GALNTL6: variants seen among roughly 807,000 people sequenced by gnomAD.
The protein encoded by GALNTL6 is polypeptide N-acetylgalactosaminyltransferase like 6, also known as polypeptide N-acetylgalactosaminyltransferase-like 6.
A neutral mutation model predicts 73.7 loss-of-function variants in GALNTL6; 46 were observed. That is an observed-to-expected ratio of 0.62 (90% confidence interval 0.49 to 0.80). The LOEUF (loss-of-function observed/expected upper bound fraction) is 0.80. Ranked by LOEUF, GALNTL6 falls within the 30% of genes least tolerant of loss-of-function variation. The pLI, the probability that GALNTL6 is intolerant of heterozygous loss-of-function variation, is 0.00. For synonymous variants in GALNTL6, 259 were observed against 263.7 expected (o/e 0.98, Z 0.17); for missense variants, 604 against 755.0 (o/e 0.80, Z 2.34).
chr4:172,138,477 C>CTACATATATA lies in GALNTL6; in HGVS notation c.139-91177_139-91176insCATATATATA, dbSNP rs1429796548. Among the ~76,000 whole-genome samples, 22 of 8,696 alleles carry CTACATATATA rather than the reference C, an allele frequency of 2.5e-3. 1 individual carries two copies. Among genetic ancestry groups the CTACATATATA allele is most frequent in the African/African-American group, 8.1e-3 (21 of 2,586 alleles). The allele number at this position is 8,696 out of a possible 152,430, so 5.7% of individuals were successfully genotyped here. ...AATTATATTAATTTACTTGGACTGC[C>CTACATATATA]TATATATATATATATATATATATAT... On this transcript the variant is annotated intron_variant, in intron 2 of 12. Transcript: ENST00000506823.
At chr4:171,933,358 C>T (rs1344899746) in intron 2 of GALNTL6, among the ~76,000 whole-genome samples, 2 of 151,946 alleles carry the variant, frequency 1.3e-5, no homozygotes, top group Non-Finnish European at 2.9e-5. Context: ...TAGTTTAAGC[C>T]ATAAAATAAA....
chr4:172,270,610 C>T (rs914497430), intron 3 of GALNTL6, among the ~76,000 whole-genome samples: 33 of 152,276 alleles, frequency 2.2e-4, no homozygotes, highest in African/African-American at 7.7e-4. Context: ...CTTTCGTAGA[C>T]TCAGAGCTGT....
intron 3 of GALNTL6, among the ~76,000 whole-genome samples, chr4:172,242,448 T>C (rs956440634): frequency 1.6e-4 from 25 of 152,162 alleles, no homozygotes; most frequent in African/African-American, 5.1e-4. Flanking sequence ...TAACTCAAAA[T>C]ATTGTCACTG....
chr4:172,621,254 T>C (rs543587779), intron 5 of GALNTL6, among the ~76,000 whole-genome samples: 2 of 152,286 alleles, frequency 1.3e-5, no homozygotes, highest in East Asian at 3.9e-4. Context: ...GGGATCTTGC[T>C]ATGTTGCCCA....
chr4:172,548,308 C>G (rs1190858848), intron 5 of GALNTL6, among the ~76,000 whole-genome samples: 2 of 152,142 alleles, frequency 1.3e-5, no homozygotes, highest in Non-Finnish European at 2.9e-5. Context: ...CTTCACCACT[C>G]CAGGTGATAT....
intron 2 of GALNTL6, among the ~76,000 whole-genome samples, chr4:171,841,089 T>C (rs1029875642): frequency 3.3e-5 from 5 of 152,210 alleles, no homozygotes; most frequent in African/African-American, 1.2e-4. Flanking sequence ...TTTAGAAGAT[T>C]CTTTCCCTGC....
chr4:172,014,136 A>G (rs1741112149), intron 2 of GALNTL6, among the ~76,000 whole-genome samples: 2 of 152,060 alleles, frequency 1.3e-5, no homozygotes, highest in South Asian at 4.1e-4. Flanking sequence ...GGATACTCAG[A>G]TTGCTTCCAA....
intron 2 of GALNTL6, among the ~76,000 whole-genome samples, chr4:171,833,469 C>G (rs1352788734): frequency 6.6e-6 from 1 of 151,576 alleles, no homozygotes; most frequent in Admixed American, 6.6e-5. Context: ...ACCAAAATAC[C>G]TGGCTAAAAT....
At chr4:172,982,924 TA>T (rs1446349008) in intron 10 of GALNTL6, among the ~76,000 whole-genome samples, 1 of 152,218 alleles carries the variant, frequency 6.6e-6, no homozygotes, top group East Asian at 1.9e-4. Flanking sequence ...AAGTAGGTGC[TA>T]AAAAATGTAT....
intron 5 of GALNTL6, among the ~76,000 whole-genome samples, chr4:172,436,013 CTT>C (rs34511518): frequency 0.86 from 130,842 of 151,862 alleles, 56,443 homozygotes; most frequent in South Asian, 0.89. Flanking sequence ...GCATCACACT[CTT>C]TAACAGGGCA....
At chr4:171,965,171 T>G (rs1055357727) in intron 2 of GALNTL6, among the ~76,000 whole-genome samples, 10 of 152,216 alleles carry the variant, frequency 6.6e-5, no homozygotes, top group African/African-American at 2.4e-4. Flanking sequence ...AATAATAGTT[T>G]TCCCATAAAT....
chr4:172,169,432 A>G (rs773835564), intron 2 of GALNTL6, among the ~76,000 whole-genome samples: 13 of 152,188 alleles, frequency 8.5e-5, no homozygotes, highest in Non-Finnish European at 1.3e-4. Context: ...TGCTTCAACT[A>G]TATAAAAATA....
At chr4:172,915,484 AATAG>A (rs1270865754) in intron 8 of GALNTL6, among the ~76,000 whole-genome samples, 1 of 152,212 alleles carries the variant, frequency 6.6e-6, no homozygotes, top group East Asian at 1.9e-4. Flanking sequence ...AGATCAACAA[AATAG>A]ATAGATGGCT....
At chr4:172,193,867 A>T (rs1207235791) in intron 2 of GALNTL6, among the ~76,000 whole-genome samples, 1 of 152,188 alleles carries the variant, frequency 6.6e-6, no homozygotes, top group Non-Finnish European at 1.5e-5. Context: ...TCTCAAAAAA[A>T]GAAAAGAAAA....
intron 5 of GALNTL6, among the ~76,000 whole-genome samples, chr4:172,760,975 G>C (rs1738050520): frequency 6.6e-6 from 1 of 152,166 alleles, no homozygotes. Context: ...AGAAAAAGAG[G>C]CTCGATGAAG....
chr4:172,417,934 GT>G (rs1459902966), intron 5 of GALNTL6, among the ~76,000 whole-genome samples: 2 of 152,122 alleles, frequency 1.3e-5, no homozygotes, highest in East Asian at 1.9e-4. Context: ...AATTACTCAA[GT>G]TTTTTTGAGT....
intron 2 of GALNTL6, among the ~76,000 whole-genome samples, chr4:172,093,268 C>T (rs1176823051): frequency 1.3e-5 from 2 of 152,102 alleles, no homozygotes; most frequent in African/African-American, 4.8e-5. Context: ...TTTATAGTCT[C>T]TTAAATTTTT....
chr4:172,261,862 A>T (rs1467078120), intron 3 of GALNTL6, among the ~76,000 whole-genome samples: 1 of 151,360 alleles, frequency 6.6e-6, no homozygotes, highest in Admixed American at 6.6e-5. Context: ...TGACCCAAAG[A>T]TCATTCGAGA....
At chr4:172,813,764 G>T in intron 7 of GALNTL6, 41 bp downstream of exon 7, 2 of 1,498,242 alleles carry the variant, frequency 1.3e-6, no homozygotes, top group Non-Finnish European at 1.8e-6. Context: ...GGTGAGGGCA[G>T]GTAACTCATT....
Sources: gnomAD v4.1 joint callset for allele counts (sites outside exome capture counted in the v4.1 genomes callset) on GRCh38, gnomAD v4.1.1 for gene constraint, MANE v1.5 for transcripts, NCBI Gene and HGNC (gene_info 2026-07-23, HGNC 2026-07-21) for gene names.